BCL2: variants seen among roughly 807,000 people sequenced by gnomAD.
BCL2 encodes the protein BCL2 apoptosis regulator.
In BCL2, 1 loss-of-function variant was observed where a neutral mutation model predicts 14.2. That is an observed-to-expected ratio of 0.07 (90% confidence interval 0.02 to 0.33). The LOEUF (loss-of-function observed/expected upper bound fraction) is 0.33, where lower values mean the gene tolerates loss of function less well. Ranked by LOEUF, BCL2 falls within the 10% of genes least tolerant of loss-of-function variation. The pLI is 0.99. For synonymous variants in BCL2, 151 were observed against 137.2 expected (o/e 1.10, Z -0.70); for missense variants, 247 against 305.9 (o/e 0.81, Z 1.44).
chr18:63,318,714 G>A lies in BCL2; in HGVS notation c.-48C>T, dbSNP rs1913592547. 2 of 1,609,722 alleles carry A rather than the reference G, an allele frequency of 1.2e-6. No individual in the cohort carries two copies. Among genetic ancestry groups the A allele is most frequent in the African/African-American group, 2.7e-5 (2 of 74,866 alleles). On this transcript the variant is annotated 5_prime_UTR_variant, in exon 2 of 3. Transcript: ENST00000333681. This position sits in a 1 kb window ranked among gnomAD's most constrained non-coding sequence, Gnocchi z 7.4. ...GGGGCCAACGGCACCTCTCGCCCCA[G>A]CTCCCACCCCACGGCCCCCAGAGAA...
intron 2 of BCL2, chr18:63,317,854 C>G (rs966206650): frequency 2.1e-6 from 3 of 1,406,722 alleles, no homozygotes; most frequent in Non-Finnish European, 2.8e-6. Flanking sequence ...CTTTGGATCT[C>G]CACGACTAGC....
chr18:63,200,368 T>G (rs981415051), intron 2 of BCL2, among the ~76,000 whole-genome samples: 20 of 152,228 alleles, frequency 1.3e-4, no homozygotes, highest in Non-Finnish European at 7.3e-5. Context: ...ATGTTCCCAG[T>G]GGCTGGCAGA....
chr18:63,236,074 C>T (rs867230266), intron 2 of BCL2, among the ~76,000 whole-genome samples: 3 of 152,154 alleles, frequency 2.0e-5, no homozygotes, highest in African/African-American at 7.2e-5. Context: ...CCCAAGTTCT[C>T]GTATATTGAA....
chr18:63,208,046 T>C (rs1909889734), intron 2 of BCL2: 1 of 152,254 alleles, frequency 6.6e-6, no homozygotes, highest in Non-Finnish European at 1.5e-5. Context: ...TCCTACCACC[T>C]GGCGATTACT....
At chr18:63,250,933 TGGGTG>T (rs1439663810) in intron 2 of BCL2, among the ~76,000 whole-genome samples, 2 of 152,036 alleles carry the variant, frequency 1.3e-5, no homozygotes, top group African/African-American at 4.8e-5. Context: ...CCAATATTGG[TGGGTG>T]GGGACATTTT....
intron 2 of BCL2, among the ~76,000 whole-genome samples, chr18:63,165,377 C>T (rs1022589269): frequency 1.8e-4 from 27 of 152,304 alleles, no homozygotes; most frequent in Admixed American, 3.9e-4. Flanking sequence ...ATGGCTCTGG[C>T]TCTGTCTTCA....
intron 2 of BCL2, among the ~76,000 whole-genome samples, chr18:63,212,384 C>T (rs1161767112): frequency 6.6e-6 from 1 of 151,402 alleles, no homozygotes; most frequent in Non-Finnish European, 1.5e-5. Flanking sequence ...CATTTAGTAG[C>T]TTTGAAAATT....
chr18:63,306,457 T>A (rs1287073230), intron 2 of BCL2, among the ~76,000 whole-genome samples: 1 of 152,198 alleles, frequency 6.6e-6, no homozygotes, highest in Non-Finnish European at 1.5e-5. Context: ...TCTAGCATCA[T>A]CTTTCTGACC....
At chr18:63,172,872 G>A (rs1275645297) in intron 2 of BCL2, among the ~76,000 whole-genome samples, 1 of 152,200 alleles carries the variant, frequency 6.6e-6, no homozygotes, top group Non-Finnish European at 1.5e-5. Flanking sequence ...AGATCATGAA[G>A]GCAGAAAAGT....
At position 63,282,135 on chromosome 18, in the gene BCL2, T is replaced by A. The variant is rs77445121; in HGVS notation, c.585+35947A>T. On this transcript the variant is annotated intron_variant, in intron 2 of 2. Coordinates refer to ENST00000333681, the MANE Select transcript of BCL2 (RefSeq NM_000633.3). ...TAAAGTGAGCTTAATGCTGATCAGG[T>A]AAATTAAAAATTATAGTTAATTAAA... Among the ~76,000 whole-genome samples the A allele has an allele frequency of 3.7e-4, 56 of 152,310 alleles. No homozygotes were observed. The East Asian group carries it at 0.01, about 28-fold the overall frequency.
At chr18:63,236,013 A>G (rs1910820321) in intron 2 of BCL2, among the ~76,000 whole-genome samples, 1 of 152,186 alleles carries the variant, frequency 6.6e-6, no homozygotes, top group South Asian at 2.1e-4. Context: ...ATCCCCACGT[A>G]TCATGGGAGG....
chr18:63,169,968 C>T (rs770934708), intron 2 of BCL2, among the ~76,000 whole-genome samples: 19 of 152,114 alleles, frequency 1.2e-4, no homozygotes, highest in Non-Finnish European at 2.9e-5. Context: ...CTGTAACAAG[C>T]AAACTCATGT....
At chr18:63,162,853 T>TTCCTTCTTTCCA (rs2144620638) in intron 2 of BCL2, among the ~76,000 whole-genome samples, 1 of 82,012 alleles carries the variant, frequency 1.2e-5, no homozygotes, top group African/African-American at 1.1e-4. Context: ...CCCTCCTTCC[T>TTCCTTCTTTCCA]TCCCTCCTTC....
chr18:63,258,544 C>T (rs748386540), intron 2 of BCL2, among the ~76,000 whole-genome samples: 2 of 152,156 alleles, frequency 1.3e-5, no homozygotes, highest in African/African-American at 2.4e-5. Context: ...TATAAAATAT[C>T]TATGTGATGT....
At chr18:63,215,548 T>G (rs928874498) in intron 2 of BCL2, among the ~76,000 whole-genome samples, 4 of 152,168 alleles carry the variant, frequency 2.6e-5, no homozygotes, top group African/African-American at 9.7e-5. Context: ...CTACAAAACA[T>G]TTGGTAAGAT....
At chr18:63,207,427 T>A (rs758271285) in intron 2 of BCL2, among the ~76,000 whole-genome samples, 2 of 152,206 alleles carry the variant, frequency 1.3e-5, no homozygotes, top group Non-Finnish European at 2.9e-5. Context: ...GCCTTGTAAG[T>A]CTAAGAAAAA....
chr18:63,213,097 G>A (rs143793357), intron 2 of BCL2, among the ~76,000 whole-genome samples: 27 of 152,256 alleles, frequency 1.8e-4, no homozygotes, highest in South Asian at 4.1e-4. Context: ...CAGGTAGGCC[G>A]ATTCCTGCTG....
At chr18:63,247,379 G>A (rs1483951801) in intron 2 of BCL2, among the ~76,000 whole-genome samples, 2 of 145,312 alleles carry the variant, frequency 1.4e-5, no homozygotes, top group Non-Finnish European at 3.0e-5. Flanking sequence ...TGTATTTTTA[G>A]TAGAGATGGG....
At chr18:63,171,294 T>G (rs1010979291) in intron 2 of BCL2, among the ~76,000 whole-genome samples, 1 of 152,174 alleles carries the variant, frequency 6.6e-6, no homozygotes, top group Non-Finnish European at 1.5e-5. Context: ...CTTTTAACCT[T>G]TTAGGAAATG....
Sources: gnomAD v4.1 joint callset for allele counts (sites outside exome capture counted in the v4.1 genomes callset) on GRCh38, gnomAD v4.1.1 for gene constraint, Gnocchi (gnomAD v3.1) non-coding constraint, MANE v1.5 for transcripts, NCBI Gene and HGNC (gene_info 2026-07-23, HGNC 2026-07-21) for gene names.